Variants in ODF2 observed in about 807,000 individuals in gnomAD.
ODF2 encodes outer dense fiber protein 2.
ODF2 carries 47 observed loss-of-function variants against 110.2 expected under a neutral mutation model. The ratio of observed to expected loss-of-function variants is 0.43; its 90% CI spans 0.34 to 0.54. ODF2 has a LOEUF of 0.54. Among genes scored for constraint, ODF2 ranks in the 20% least tolerant of loss-of-function variants. ODF2 has a pLI of 0.03. For missense variants in ODF2, 812 were observed against 1,054.5 expected (o/e 0.77, Z 3.19); for synonymous variants, 352 against 397.7 (o/e 0.89, Z 1.37).
At chr9:128,465,218 C>G (rs965813083) in intron 4 of ODF2, among the ~76,000 whole-genome samples, 1 of 152,120 alleles carries the variant, frequency 6.6e-6, no homozygotes, top group Admixed American at 6.6e-5. Flanking sequence ...TGTGTCTGCC[C>G]CTTTCCACTT....
Position 128,464,853 on chromosome 9 carries a change from G to A in ODF2, c.249+3786G>A, listed in dbSNP as rs370521888. ...ACTACAGGCGCCCGCCACTACGCCC[G>A]GCTAATTTTTTTTGTATTTTTAGTA... On this transcript the variant is annotated intron_variant, in intron 4 of 20. Transcript: ENST00000604420. Among the ~76,000 whole-genome samples the A allele has an allele frequency of 1.9e-3, 2 of 1,030 alleles. 1 individual carries two copies. Among genetic ancestry groups the A allele is most frequent in the African/African-American group, 2.1e-3 (2 of 934 alleles). The allele number at this position is 1,030 out of a possible 152,430, so 0.7% of individuals were successfully genotyped here.
chr9:128,497,358 C>A (rs748998874), intron 18 of ODF2: 1 of 131,286 alleles, frequency 7.6e-6, no homozygotes, highest in Admixed American at 8.6e-5. Context: ...GAGGCCGAGG[C>A]GGGCGGATCA....
chr9:128,491,424 G>A (rs910958191), intron 14 of ODF2, among the ~76,000 whole-genome samples: 1 of 151,758 alleles, frequency 6.6e-6, no homozygotes, highest in African/African-American at 2.4e-5. Context: ...TTGGGAGGCC[G>A]AGGTGGGCGG....
At chr9:128,496,856 T>C (rs1258447732) in intron 18 of ODF2, among the ~76,000 whole-genome samples, 1 of 152,166 alleles carries the variant, frequency 6.6e-6, no homozygotes. Context: ...GCCTCCCAAG[T>C]AGCTGGGACT....
intron 14 of ODF2, among the ~76,000 whole-genome samples, chr9:128,489,789 T>C (rs1230620052): frequency 6.6e-6 from 1 of 152,228 alleles, no homozygotes; most frequent in African/African-American, 2.4e-5. Context: ...ATTTGGTAGA[T>C]GTCACTGAAT....
At position 128,471,488 on chromosome 9, in the gene ODF2, G is replaced by A. The variant is rs768630433; in HGVS notation, c.581+20G>A. 3.1e-6 allele frequency: 5 copies of A among 1,607,822 alleles called. No homozygotes were observed. Among genetic ancestry groups the A allele is most frequent in the Non-Finnish European group, 4.2e-6 (5 of 1,177,514 alleles). ...CACCATGTAAGGTGGCTCCTGCTCT[G>A]TCCCCGCTGATCTATTCCTCCCTAC... is the stretch of plus-strand genomic sequence containing the variant. On this transcript the variant is annotated intron_variant, in intron 6 of 20. Coordinates refer to ENST00000604420, the Ensembl canonical transcript of ODF2.
rs1480507423 is a variant in ODF2, at chr9:128,485,435, A to G, written c.1361A>G (p.Glu454Gly). The G allele has an allele frequency of 1.2e-6, 2 of 1,607,958 alleles. No individual in the cohort carries two copies. Among genetic ancestry groups the G allele is most frequent in the East Asian group, 4.5e-5 (2 of 44,838 alleles). The change falls in exon 13 of 21, where the codon GAA becomes GGA. Residue 454 changes from glutamate (E) to glycine (G), a missense_variant. By Grantham distance (98) the Glu-to-Gly change is moderately conservative. Transcript: ENST00000604420. The surrounding 1 kb of genome is among the most constrained non-coding windows in gnomAD (Gnocchi z 5.0). Reference sequence around the variant, plus strand: ...AGCCGCTACAACCAAGTTGTAAAAGAAAAGGGAGACCTTGAGCTGGAAATT... The same window carrying G: ...AGCCGCTACAACCAAGTTGTAAAAGGAAAGGGAGACCTTGAGCTGGAAATT...
exon 1 of ODF2, chr9:128,456,165 A>C: frequency 6.5e-7 from 1 of 1,549,348 alleles, no homozygotes; most frequent in African/African-American, 1.4e-5. Context: ...GCCAGACTGC[A>C]TCCGCCGCGG....
chr9:128,460,815 T>A (rs1333820637), intron 3 of ODF2, 127 bp from the exon 4 acceptor site: 12 of 1,509,528 alleles, frequency 7.9e-6, no homozygotes, highest in Non-Finnish European at 1.1e-5. Flanking sequence ...GGCAGGCCTG[T>A]CATCCAGGAG....
Position 128,491,515 on chromosome 9 carries a change from C to T in ODF2, c.1537-911C>T, listed in dbSNP as rs117385306. 9.3e-3 allele frequency among the ~76,000 whole-genome samples: 1,413 copies of T among 151,702 alleles called. 9 individuals are homozygous for T. Among genetic ancestry groups the T allele is most frequent in the Non-Finnish European group, 0.015 (998 of 67,924 alleles). On this transcript the variant is annotated intron_variant, in intron 14 of 20. Transcript: ENST00000604420. ...TCTACCAAAAATATAAAAAATTAGC[C>T]GGAGTGGGGGTGGTGGTGTGTCCCT... is the stretch of plus-strand genomic sequence containing the variant.
chr9:128,497,459 A>T (rs1845834250), intron 18 of ODF2: 1 of 90,440 alleles, frequency 1.1e-5, no homozygotes, highest in Non-Finnish European at 2.0e-5. Flanking sequence ...ATATATATAT[A>T]TATATATATA....
rs781223731 is a variant in ODF2 at position 128,487,844 on chromosome 9, T to C, written c.1401-46T>C. 20 of 1,607,632 alleles carry C rather than the reference T, an allele frequency of 1.2e-5. No homozygotes were observed. The African/African-American group carries it at 2.1e-4, about 17-fold the overall frequency. On this transcript the variant is annotated intron_variant, in intron 13 of 20. Transcript: ENST00000604420. ...ACACACACACACACACAAACAAACC[T>C]GTGTAATTGATTCTCTCTGTCTGCT... is the stretch of plus-strand genomic sequence containing the variant.
At chr9:128,487,753 C>A (rs1022955468) in intron 13 of ODF2, 137 bp from the exon 14 acceptor site, 9 of 1,035,530 alleles carry the variant, frequency 8.7e-6, no homozygotes, top group Admixed American at 2.2e-5. Flanking sequence ...CGCCACTGCA[C>A]TCCAGCCTAG....
chr9:128,499,475 A>G (rs1220200768), intron 20 of ODF2, among the ~76,000 whole-genome samples: 2 of 151,990 alleles, frequency 1.3e-5, no homozygotes, highest in African/African-American at 4.8e-5. Flanking sequence ...GTGTATTTTT[A>G]GTAGAGATGG....
At chr9:128,492,617 TC>T in intron 15 of ODF2, 81 bp downstream of exon 15, 1 of 1,525,626 alleles carries the variant, frequency 6.6e-7, no homozygotes, top group East Asian at 2.3e-5. Flanking sequence ...ACCAGGCCAC[TC>T]CCAGGGAGGG....
intron 11 of ODF2, 111 bp from the exon 12 acceptor site, chr9:128,484,590 T>C: frequency 8.5e-7 from 1 of 1,181,612 alleles, no homozygotes; most frequent in Admixed American, 2.2e-5. Context: ...TCTTCCTCGT[T>C]TCCTCTTTGC....
At chr9:128,492,587 C>A in intron 15 of ODF2, 51 bp downstream of exon 15, 1 of 1,522,664 alleles carries the variant, frequency 6.6e-7, no homozygotes, top group Non-Finnish European at 9.1e-7. Context: ...TCCCTGCCCC[C>A]ATCAGACTGG....
At chr9:128,493,643 T>A (rs1469591613) in intron 16 of ODF2, among the ~76,000 whole-genome samples, 1 of 152,190 alleles carries the variant, frequency 6.6e-6, no homozygotes, top group Non-Finnish European at 1.5e-5. Context: ...GCCACTAATT[T>A]GTTTCATAAC....
In ODF2 at chr9:128,494,722, A is replaced by G. The variant is rs1015481870; in HGVS notation, c.1911+54A>G. 4 of 1,614,040 alleles carry G rather than the reference A, an allele frequency of 2.5e-6. No individual in the cohort carries two copies. Among genetic ancestry groups the G allele is most frequent in the Admixed American group, 3.3e-5 (2 of 60,016 alleles). On this transcript the variant is annotated intron_variant, in intron 17 of 20. Coordinates refer to ENST00000604420, the Ensembl canonical transcript of ODF2. The surrounding 1 kb of genome is among the most constrained non-coding windows in gnomAD (Gnocchi z 4.6). ...AACTGACCCGAGCAGGGGCCCGCAT[A>G]CCAAGATGAGCTGCACGCCCCCCAA...
Sources: gnomAD v4.1 joint callset for allele counts (sites outside exome capture counted in the v4.1 genomes callset) on GRCh38, gnomAD v4.1.1 for gene constraint, Gnocchi (gnomAD v3.1) non-coding constraint, MANE v1.5 for transcripts, NCBI Gene and HGNC (gene_info 2026-07-23, HGNC 2026-07-21) for gene names.